Variants in MED28 observed in about 807,000 individuals in gnomAD.
MED28 encodes mediator complex subunit 28, also known as mediator of RNA polymerase II transcription subunit 28.
MED28 carries 26 observed loss-of-function variants against 21.3 expected under a neutral mutation model. That is an observed-to-expected ratio of 1.22 (90% confidence interval 0.89 to 1.69). The LOEUF (loss-of-function observed/expected upper bound fraction) is 1.69, where lower values mean the gene tolerates loss of function less well. Among genes scored for constraint, MED28 ranks in the 40% most tolerant of loss-of-function variants. The pLI is 0.00. For missense variants in MED28, 257 were observed against 215.4 expected (o/e 1.19, Z -1.21); for synonymous variants, 110 against 87.6 (o/e 1.26, Z -1.43).
rs917990445 is a variant in MED28 at position 17,627,028 on chromosome 4, A to G, written c.*3230A>G. The G allele has an allele frequency of 2.7e-5, 4 of 148,494 alleles. No homozygotes were observed. Among genetic ancestry groups the G allele is most frequent in the African/African-American group, 1.0e-4 (4 of 39,852 alleles). The allele number at this position is 148,494 out of a possible 1,614,324, so 9.2% of individuals were successfully genotyped here. A position where few individuals can be genotyped will look rare whatever the true frequency, so the allele number is the denominator to read the frequency against. On this transcript the variant is annotated 3_prime_UTR_variant, in exon 4 of 4. Transcript: ENST00000237380. ...CGCCCGGTTAGAGTGCAGTGGTGCA[A>G]TCTCGGCTCACTGCAACCTCTGCCT...
intron 1 of MED28, among the ~76,000 whole-genome samples, chr4:17,618,774 C>T (rs1458255238): frequency 3.3e-5 from 5 of 152,010 alleles, no homozygotes; most frequent in African/African-American, 7.2e-5. Flanking sequence ...ATCCTGACTT[C>T]GTGATCTGCC....
At chr4:17,621,336 C>G (rs1000901348) in intron 2 of MED28, among the ~76,000 whole-genome samples, 2 of 151,972 alleles carry the variant, frequency 1.3e-5, no homozygotes, top group Non-Finnish European at 2.9e-5. Context: ...AAGAAGATCT[C>G]ATGGCTTTTA....
intron 1 of MED28, among the ~76,000 whole-genome samples, chr4:17,619,141 G>C (rs1714544549): frequency 6.6e-6 from 1 of 152,142 alleles, no homozygotes. Flanking sequence ...CCTGCAGTGG[G>C]CCTGCTTTGG....
chr4:17,621,735 G>A (rs768902937), intron 3 of MED28, 36 bp downstream of exon 3: 4 of 1,332,268 alleles, frequency 3.0e-6, no homozygotes, highest in Non-Finnish European at 4.2e-6. Flanking sequence ...TCTATAGGAA[G>A]AACTAAGTGG....
intron 3 of MED28, among the ~76,000 whole-genome samples, chr4:17,622,721 CAT>C (rs1304039640): frequency 6.6e-6 from 1 of 152,184 alleles, no homozygotes; most frequent in Non-Finnish European, 1.5e-5. Context: ...CTCATAAAGA[CAT>C]ATCTGAGACT....
chr4:17,617,308 A>G (rs760279378), intron 1 of MED28, among the ~76,000 whole-genome samples: 53 of 152,226 alleles, frequency 3.5e-4, no homozygotes, highest in Non-Finnish European at 7.3e-4. Flanking sequence ...CCAGTGGCAC[A>G]TAGCAGCACC....
chr4:17,632,693 A>T lies in MED28; in HGVS notation c.*8895A>T. The T allele has an allele frequency of 1.9e-6, 2 of 1,033,604 alleles. No homozygotes were observed. Among genetic ancestry groups the T allele is most frequent in the Non-Finnish European group, 2.9e-6 (2 of 693,702 alleles). The allele number at this position is 1,033,604 out of a possible 1,614,324, so 64.0% of individuals were successfully genotyped here. ...TGCAAGAAGCAGCTTAATACCCACC[A>T]TCTTTTCAGGGAAAGATAACTGCTT... On this transcript the variant is annotated 3_prime_UTR_variant, in exon 4 of 4. Transcript: ENST00000237380.
Position 17,633,929 on chromosome 4 carries a change from AAAAC to A in MED28, c.*10135_*10138del. The A allele has an allele frequency of 3.1e-6, 4 of 1,299,544 alleles. No individual in the cohort carries two copies. The highest frequency in any genetic ancestry group is 3.8e-5 in the South Asian group (2 of 52,814). The allele number at this position is 1,299,544 out of a possible 1,614,324, so 80.5% of individuals were successfully genotyped here. A position where few individuals can be genotyped will look rare whatever the true frequency, so the allele number is the denominator to read the frequency against. On this transcript the variant is annotated 3_prime_UTR_variant, in exon 4 of 4. Transcript: ENST00000237380. ...GACAGGTTAGTGCAATGCAATGCAA[AAAAC>A]AAAATAAAGCATTATTGTAAAAGCA...
At chr4:17,621,433 G>A (rs1714627264) in intron 2 of MED28, among the ~76,000 whole-genome samples, 154 bp from the exon 3 acceptor site, 1 of 152,054 alleles carries the variant, frequency 6.6e-6, no homozygotes, top group Non-Finnish European at 1.5e-5. Flanking sequence ...CACATGAGAA[G>A]TTGGGGGTTA....
intron 3 of MED28, among the ~76,000 whole-genome samples, chr4:17,622,977 C>G (rs544788722): frequency 4.6e-5 from 7 of 152,288 alleles, no homozygotes; most frequent in East Asian, 3.9e-4. Context: ...GTTCCTCCCT[C>G]GACACATGGG....
intron 1 of MED28, among the ~76,000 whole-genome samples, chr4:17,618,596 A>C (rs1414586662): frequency 6.6e-6 from 1 of 152,062 alleles, no homozygotes; most frequent in African/African-American, 2.4e-5. Context: ...GGCTCACTGC[A>C]ACCTCTGCCT....
At chr4:17,616,671 TC>T (rs1337275853) in intron 1 of MED28, among the ~76,000 whole-genome samples, 3 of 152,212 alleles carry the variant, frequency 2.0e-5, no homozygotes, top group African/African-American at 7.2e-5. Context: ...AGTGGACCCT[TC>T]CCTGGCCTTC....
In MED28 at chr4:17,621,613, C is replaced by T. The variant is rs1714634344; in HGVS notation, c.253C>T (p.Leu85=). The change falls in exon 3 of 4, where the codon CTG becomes TTG. Residue 85 remains leucine, a synonymous_variant. Coordinates refer to ENST00000237380, the MANE Select transcript of MED28 (RefSeq NM_025205.5). ...TGTTGATCAGTGTATCCAGAAGTTT[C>T]TGGATATTGCAAGACAGACAGAATG... ...TGVDQCIQKF[L]DIARQTECFF... The T allele has an allele frequency of 1.2e-6, 2 of 1,605,262 alleles. No individual in the cohort carries two copies. Among genetic ancestry groups the T allele is most frequent in the East Asian group, 4.5e-5 (2 of 44,722 alleles).
chr4:17,617,181 T>C (rs998000905), intron 1 of MED28, among the ~76,000 whole-genome samples: 2 of 152,254 alleles, frequency 1.3e-5, no homozygotes, highest in Admixed American at 1.3e-4. Flanking sequence ...TCTCTGCTGC[T>C]GGGTGATCAC....
intron 3 of MED28, among the ~76,000 whole-genome samples, chr4:17,622,912 C>T (rs1028839315): frequency 6.6e-6 from 1 of 152,048 alleles, no homozygotes; most frequent in African/African-American, 2.4e-5. Context: ...TTATTCACTA[C>T]CAGGAGAACA....
rs1297000605 is a variant in MED28, at chr4:17,632,049, T to A, written c.*8251T>A. The A allele has an allele frequency of 2.9e-4, 2 of 6,904 alleles. No homozygotes were observed. Among genetic ancestry groups the A allele is most frequent in the African/African-American group, 8.6e-4 (1 of 1,168 alleles). The allele number at this position is 6,904 out of a possible 1,614,324, so 0.4% of individuals were successfully genotyped here. ...TAACACTGGTTTAATGTCAATTTTT[T>A]TTTTTTTTTTTTTTTTTTTTTTTTT... On this transcript the variant is annotated 3_prime_UTR_variant, in exon 4 of 4. Transcript: ENST00000237380.
At chr4:17,619,301 G>A (rs931468535) in intron 1 of MED28, among the ~76,000 whole-genome samples, 2 of 152,188 alleles carry the variant, frequency 1.3e-5, no homozygotes, top group African/African-American at 2.4e-5. Flanking sequence ...TCAGTAATAT[G>A]TGTTATTAAA....
intron 2 of MED28, 31 bp from the exon 3 acceptor site, chr4:17,621,556 A>G: frequency 7.0e-7 from 1 of 1,423,332 alleles, no homozygotes; most frequent in East Asian, 2.3e-5. Flanking sequence ...TGTTTTTCTT[A>G]TTTTAATAAT....
Position 17,623,635 on chromosome 4 carries a change from A to T in MED28, c.374A>T (p.Lys125Ile), listed in dbSNP as rs746079106. The T allele has an allele frequency of 6.2e-7, 1 of 1,614,210 alleles. No homozygotes were observed. Among genetic ancestry groups the T allele is most frequent in the Non-Finnish European group, 8.5e-7 (1 of 1,180,042 alleles). The change falls in exon 4 of 4, where the codon AAA becomes ATA. Residue 125 changes from lysine (K) to isoleucine (I), a missense_variant. Lys to Ile is a moderately radical substitution (Grantham distance 102). Coordinates refer to ENST00000237380, the MANE Select transcript of MED28 (RefSeq NM_025205.5). ...GAACTAAGGAATGAATTACAGCGGA[A>T]AGATGCACTAGTCCAGAAGCACTTG... ...VSELRNELQR[K>I]DALVQKHLTK...
Sources: allele counts gnomAD v4.1 joint callset (sites outside exome capture counted in the v4.1 genomes callset), GRCh38; gene constraint gnomAD v4.1.1; transcripts MANE v1.5; gene names NCBI Gene and HGNC (gene_info 2026-07-23, HGNC 2026-07-21).